The following DNAAF10 variants were observed in gnomAD, a reference collection of about 807,000 sequenced individuals.
DNAAF10 encodes dynein axonemal assembly factor 10.
A neutral mutation model predicts 43.7 loss-of-function variants in DNAAF10; 28 were observed. That is an observed-to-expected ratio of 0.64 (90% CI 0.48 to 0.88). The LOEUF is 0.88. DNAAF10 is among the 40% of genes least tolerant of loss of function. The probability of loss-of-function intolerance (pLI) is 0.00; values close to 1 mark genes in which losing one functional copy is unlikely to be tolerated. For synonymous variants in DNAAF10, 156 were observed against 157.3 expected, an observed-to-expected ratio of 0.99 and a Z score of 0.06; for missense variants, 403 against 439.1, an observed-to-expected ratio of 0.92 and a Z score of 0.73.
intron 7 of DNAAF10, among the ~76,000 whole-genome samples, chr2:68,132,378 T>G (rs995413743): frequency 2.6e-5 from 4 of 152,166 alleles, no homozygotes; most frequent in African/African-American, 9.7e-5. Context: ...ACCCTACAAA[T>G]CATTTTGATG....
rs1241597884 is a variant in DNAAF10 at position 68,129,972 on chromosome 2, C to T, written c.*1266G>A. 2 of 151,870 alleles carry T rather than the reference C, an allele frequency of 1.3e-5. No homozygotes were observed. The highest frequency in any genetic ancestry group is 1.9e-4 in the East Asian group (1 of 5,190). The allele number at this position is 151,870 out of a possible 1,614,324, so 9.4% of individuals were successfully genotyped here. On this transcript the variant is annotated 3_prime_UTR_variant, in exon 8 of 8. Transcript: ENST00000295121. ...ACATTTCACCATCACTTACCACAGTCAAAAACCAAAAGTCTCACCAATTCA... is the reference window on the plus strand; with the variant it reads ...ACATTTCACCATCACTTACCACAGTTAAAAACCAAAAGTCTCACCAATTCA...
chr2:68,139,083 G>T (rs1216766800), intron 4 of DNAAF10, among the ~76,000 whole-genome samples: 1 of 152,044 alleles, frequency 6.6e-6, no homozygotes, highest in Non-Finnish European at 1.5e-5. Context: ...TTGGATATTT[G>T]TCCCCCCAAA....
chr2:68,149,528 A>G (rs1673403888), intron 1 of DNAAF10, among the ~76,000 whole-genome samples: 1 of 152,174 alleles, frequency 6.6e-6, no homozygotes. Flanking sequence ...ATTTTTTCCC[A>G]ATTTTATGAA....
Position 68,157,478 on chromosome 2 carries a change from C to T in DNAAF10, c.-35G>A, listed in dbSNP as rs1213780415. On this transcript the variant is annotated 5_prime_UTR_variant, in exon 1 of 8. The change creates a new upstream start codon in the 5' untranslated region. Coordinates refer to ENST00000295121, the MANE Select transcript of DNAAF10 (RefSeq NM_138458.4). Reference sequence around the variant, plus strand: ...AATTTCAGCTACGGCAACCGCCACACCCAGAGCCCCCAAAAACGGCAACCT... The same window carrying T: ...AATTTCAGCTACGGCAACCGCCACATCCAGAGCCCCCAAAAACGGCAACCT... The T allele has an allele frequency of 6.2e-7, 1 of 1,614,122 alleles. No homozygotes were observed. The highest frequency in any genetic ancestry group is 8.5e-7 in the Non-Finnish European group (1 of 1,179,984).
intron 4 of DNAAF10, among the ~76,000 whole-genome samples, chr2:68,141,065 A>G (rs1373302046): frequency 6.6e-6 from 1 of 152,176 alleles, no homozygotes; most frequent in Non-Finnish European, 1.5e-5. Flanking sequence ...ACAATTGGAC[A>G]TGAGATTTGG....
chr2:68,151,538 A>T (rs755355872), intron 1 of DNAAF10, among the ~76,000 whole-genome samples: 4 of 152,186 alleles, frequency 2.6e-5, no homozygotes, highest in Non-Finnish European at 5.9e-5. Flanking sequence ...CCCTTTCTAG[A>T]ATGTGAGCAC....
chr2:68,156,414 T>C lies in DNAAF10; in HGVS notation c.183+847A>G, dbSNP rs151263209. Among the ~76,000 whole-genome samples, 15 of 152,336 alleles carry C rather than the reference T, an allele frequency of 9.8e-5. No individual in the cohort carries two copies. In the East Asian group the frequency reaches 2.9e-3, roughly 29 times the overall value. On this transcript the variant is annotated intron_variant, in intron 1 of 7. Coordinates refer to ENST00000295121, the MANE Select transcript of DNAAF10 (RefSeq NM_138458.4). ...TGATCTGATAATGACTGATCATTTT[T>C]TCAGGTAACAAAATCAACACTTTTT...
At position 68,144,572 on chromosome 2, in the gene DNAAF10, T is replaced by A; in HGVS notation, c.415+13A>T. The stretch of plus-strand genomic sequence containing the variant: ...AAATAAATAAACAAAATACATAGAA[T>A]ACAGGGACTCACCATCTCGGCTGCC... On this transcript the variant is annotated intron_variant, in intron 3 of 7. Coordinates refer to ENST00000295121, the MANE Select transcript of DNAAF10 (RefSeq NM_138458.4). 1 of 1,613,342 alleles carries A rather than the reference T, an allele frequency of 6.2e-7. No individual in the cohort carries two copies. The highest frequency in any genetic ancestry group is 8.5e-7 in the Non-Finnish European group (1 of 1,179,830).
rs1303403815 is a variant in DNAAF10, at chr2:68,130,041, ATTTTG to A, written c.*1192_*1196del. ...AAAAAGAGCTCTTTAAAATCAAAGC[ATTTTG>A]TTTTATGAATTAAATTGCAGAAAAT... On this transcript the variant is annotated 3_prime_UTR_variant, in exon 8 of 8. Transcript: ENST00000295121. 6.7e-6 allele frequency: 1 copy of A among 149,104 alleles called. No homozygotes were observed. Among genetic ancestry groups the A allele is most frequent in the African/African-American group, 2.5e-5 (1 of 40,726 alleles). 9.2% of individuals were successfully genotyped at this position (149,104 alleles called of 1,614,324 possible). A position where few individuals can be genotyped will look rare whatever the true frequency, so the allele number is the denominator to read the frequency against.
At chr2:68,138,236 C>T (rs1438320695) in intron 5 of DNAAF10, among the ~76,000 whole-genome samples, 4 of 151,854 alleles carry the variant, frequency 2.6e-5, no homozygotes, top group South Asian at 2.1e-4. Flanking sequence ...GTAAGATCAA[C>T]AAAACAATCT....
intron 6 of DNAAF10, among the ~76,000 whole-genome samples, chr2:68,136,045 C>G (rs1318037796): frequency 6.9e-6 from 1 of 144,226 alleles, no homozygotes; most frequent in Non-Finnish European, 1.5e-5. Flanking sequence ...AAGACTCTGA[C>G]TCTATGAAAA....
intron 2 of DNAAF10, 109 bp from the exon 3 acceptor site, chr2:68,144,824 G>A (rs1312840478): frequency 7.3e-7 from 1 of 1,369,986 alleles, no homozygotes; most frequent in African/African-American, 1.5e-5. Context: ...AGAAATTAAG[G>A]TTTTGCTATG....
chr2:68,144,564 A>G (rs1193997677), intron 3 of DNAAF10, 21 bp downstream of exon 3: 1 of 1,607,938 alleles, frequency 6.2e-7, no homozygotes, highest in Non-Finnish European at 8.5e-7. Flanking sequence ...TAAACAAAAT[A>G]CATAGAATAC....
chr2:68,147,402 G>T, intron 2 of DNAAF10, 65 bp downstream of exon 2: 1 of 1,175,572 alleles, frequency 8.5e-7, no homozygotes, highest in Non-Finnish European at 1.2e-6. Context: ...TTCAGAGAAA[G>T]AGTAATGAAA....
At position 68,131,065 on chromosome 2, in the gene DNAAF10, G is replaced by A. The variant is rs547028542; in HGVS notation, c.*173C>T. On this transcript the variant is annotated 3_prime_UTR_variant, in exon 8 of 8. Transcript: ENST00000295121. ...CAAGTAGCTAGGACTACAGATGCCC[G>A]CCATGACACCCAGCAAATTTTTTTT... The A allele has an allele frequency of 5.3e-5, 28 of 532,752 alleles. No homozygotes were observed. The highest frequency in any genetic ancestry group is 6.8e-5 in the Non-Finnish European group (21 of 308,596). 33.0% of individuals were successfully genotyped at this position (532,752 alleles called of 1,614,324 possible).
At chr2:68,142,407 C>A (rs1400594042) in intron 3 of DNAAF10, among the ~76,000 whole-genome samples, 1 of 152,142 alleles carries the variant, frequency 6.6e-6, no homozygotes, top group Non-Finnish European at 1.5e-5. Context: ...CAGGCATGCA[C>A]CACCACGCCC....
At chr2:68,153,745 GTTTTTTTTTTTT>G (rs35521976) in intron 1 of DNAAF10, among the ~76,000 whole-genome samples, 1 of 78,444 alleles carries the variant, frequency 1.3e-5, no homozygotes, top group African/African-American at 5.0e-5. Context: ...ACACAATGAA[GTTTTTTTTTTTT>G]TTTTTTTTTT....
At chr2:68,146,326 G>C (rs1673315883) in intron 2 of DNAAF10, among the ~76,000 whole-genome samples, 1 of 152,148 alleles carries the variant, frequency 6.6e-6, no homozygotes, top group Non-Finnish European at 1.5e-5. Flanking sequence ...TCATCATTAT[G>C]AACTAATCAA....
At chr2:68,140,105 ATCC>A (rs1007168007) in intron 4 of DNAAF10, among the ~76,000 whole-genome samples, 6 of 152,210 alleles carry the variant, frequency 3.9e-5, no homozygotes, top group African/African-American at 1.2e-4. Context: ...GGTTAAACTC[ATCC>A]TCCTGGAATT....
Sources: gnomAD v4.1 joint callset for allele counts (sites outside exome capture counted in the v4.1 genomes callset) on GRCh38, gnomAD v4.1.1 for gene constraint, MANE v1.5 for transcripts, NCBI Gene and HGNC (gene_info 2026-07-23, HGNC 2026-07-21) for gene names.